The following TTLL13 variants were observed in gnomAD, a reference collection of about 807,000 sequenced individuals.
The protein encoded by TTLL13 is tubulin tyrosine ligase like 13, also known as tubulin polyglutamylase TTLL13.
At chr15:90,257,317 C>T in the TTLL13 span, 2 of 1,588,130 alleles carry the variant, frequency 1.3e-6, no homozygotes, top group African/African-American at 2.7e-5. Context: ...TTTTCCACTG[C>T]CAAAAGTGCT....
the TTLL13 span, among the ~76,000 whole-genome samples, chr15:90,253,044 C>T: frequency 2.5e-3 from 381 of 152,220 alleles, 2 homozygotes; most frequent in Middle Eastern, 0.017. Flanking sequence ...CTAGTTTTCT[C>T]TGCTAGGTAT....
the TTLL13 span, chr15:90,257,124 T>C: frequency 6.2e-7 from 1 of 1,610,264 alleles, no homozygotes; most frequent in Non-Finnish European, 8.5e-7. Flanking sequence ...CCTCATGGGT[T>C]TGCATGCTCC....
the TTLL13 span, chr15:90,259,026 A>C: frequency 1.9e-6 from 3 of 1,592,574 alleles, no homozygotes; most frequent in African/African-American, 4.0e-5. Flanking sequence ...ATTTGCTATC[A>C]AAAACAACTT....
At chr15:90,253,337 G>A in the TTLL13 span, 2 of 1,613,338 alleles carry the variant, frequency 1.2e-6, no homozygotes, top group East Asian at 4.5e-5. Flanking sequence ...CTGTCTCACT[G>A]GAACGAGTCA....
chr15:90,262,730 G>T, the TTLL13 span: 1 of 1,404,494 alleles, frequency 7.1e-7, no homozygotes, highest in South Asian at 1.5e-5. Flanking sequence ...CAACTAGATA[G>T]GGGAATGAAT....
chr15:90,256,096 C>A, the TTLL13 span: 85 of 1,604,258 alleles, frequency 5.3e-5, no homozygotes, highest in Admixed American at 1.1e-3. Context: ...CCCGGGAAAG[C>A]CTTGATGCAC....
At chr15:90,263,141 G>A in the TTLL13 span, 1 of 1,524,870 alleles carries the variant, frequency 6.6e-7, no homozygotes, top group African/African-American at 1.4e-5. Flanking sequence ...CTTCATGAGA[G>A]TCGGGTGAGG....
the TTLL13 span, among the ~76,000 whole-genome samples, chr15:90,254,074 C>T: frequency 4.6e-5 from 7 of 152,234 alleles, no homozygotes; most frequent in African/African-American, 7.2e-5. Flanking sequence ...CTTTGGGAGG[C>T]CAAGGCAGGT....
the TTLL13 span, chr15:90,253,347 A>G: frequency 1.2e-6 from 2 of 1,613,090 alleles, no homozygotes; most frequent in Non-Finnish European, 1.7e-6. Context: ...GGAACGAGTC[A>G]TGGACATGAA....
At chr15:90,256,473 CA>C in the TTLL13 span, among the ~76,000 whole-genome samples, 1 of 152,190 alleles carries the variant, frequency 6.6e-6, no homozygotes, top group East Asian at 1.9e-4. Flanking sequence ...GGTTGAATCT[CA>C]GTTTCCACTT....
the TTLL13 span, among the ~76,000 whole-genome samples, chr15:90,254,491 T>TTAAAAAAAAA: frequency 1.2e-5 from 1 of 84,242 alleles, no homozygotes; most frequent in African/African-American, 4.3e-5. Flanking sequence ...AGACTCCATC[T>TTAAAAAAAAA]AAAAAAAAAA....
At chr15:90,262,078 A>G in the TTLL13 span, 87 of 1,535,948 alleles carry the variant, frequency 5.7e-5, no homozygotes, top group Non-Finnish European at 7.1e-5. Context: ...ACCTGGGAAA[A>G]TACCGGCGGA....
At chr15:90,251,106 T>G in the TTLL13 span, among the ~76,000 whole-genome samples, 1 of 138,024 alleles carries the variant, frequency 7.2e-6, no homozygotes. Context: ...TATGTCATCC[T>G]GGTCTGTCTT....
chr15:90,263,030 G>A, the TTLL13 span: 33 of 1,536,010 alleles, frequency 2.1e-5, no homozygotes, highest in African/African-American at 9.6e-5. Context: ...GAGCTGGAGC[G>A]GATGAAGGCC....
At chr15:90,251,605 A>G in the TTLL13 span, 1 of 1,613,674 alleles carries the variant, frequency 6.2e-7, no homozygotes, top group Non-Finnish European at 8.5e-7. Context: ...GTAAGCACCC[A>G]GCCCGTCGCT....
the TTLL13 span, chr15:90,263,049 A>G: frequency 2.0e-6 from 3 of 1,536,120 alleles, no homozygotes; most frequent in South Asian, 3.6e-5. Context: ...CCCTGCTACA[A>G]AGGGAGACTC....
chr15:90,253,630 T>G, the TTLL13 span, among the ~76,000 whole-genome samples: 3 of 152,306 alleles, frequency 2.0e-5, no homozygotes, highest in African/African-American at 7.2e-5. Flanking sequence ...TGTGTGTAGC[T>G]GGCCCTCTCC....
At chr15:90,258,789 A>T in the TTLL13 span, 1 of 1,614,160 alleles carries the variant, frequency 6.2e-7, no homozygotes, top group Middle Eastern at 1.6e-4. Context: ...CTTGATCAAG[A>T]AGTAAAGGAT....
At chr15:90,265,247 G>C in the TTLL13 span, 1 of 1,295,150 alleles carries the variant, frequency 7.7e-7, no homozygotes, top group Non-Finnish European at 9.8e-7. Flanking sequence ...GCTAGGTGAT[G>C]GGTCTGAACC....
Sources: gnomAD v4.1 joint callset for allele counts (sites outside exome capture counted in the v4.1 genomes callset) on GRCh38, gnomAD v4.1.1 for gene constraint, MANE v1.5 for transcripts, NCBI Gene and HGNC (gene_info 2026-07-23, HGNC 2026-07-21) for gene names.